Variants in CELSR1 observed in about 807,000 individuals in gnomAD.
CELSR1 encodes the protein cadherin EGF LAG seven-pass G-type receptor 1, also known as adhesion G protein-coupled receptor C1.
A neutral mutation model predicts 249.1 loss-of-function variants in CELSR1; 110 were observed. The ratio of observed to expected loss-of-function variants is 0.44; its 90% CI spans 0.38 to 0.52. CELSR1 has a LOEUF of 0.52. CELSR1 is among the 20% of genes least tolerant of loss of function. CELSR1 has a pLI of 0.00. For synonymous variants in CELSR1, 2,113 were observed against 1,900.0 expected (o/e 1.11, Z -2.92); for missense variants, 4,109 against 4,296.4 (o/e 0.96, Z 1.22).
intron 1 of CELSR1, among the ~76,000 whole-genome samples, chr22:46,525,143 A>G (rs4823842): frequency 0.33 from 50,279 of 152,080 alleles, 9,045 homozygotes; most frequent in African/African-American, 0.46. Context: ...AGGCTGGGTC[A>G]CTGAATTAAA....
At chr22:46,508,238 G>T (rs1210043376) in intron 1 of CELSR1, among the ~76,000 whole-genome samples, 2 of 151,672 alleles carry the variant, frequency 1.3e-5, no homozygotes, top group Non-Finnish European at 2.9e-5. Flanking sequence ...CAGATCCTGG[G>T]CGCCAACTGG....
chr22:46,415,970 C>T lies in CELSR1; in HGVS notation c.4612-4211G>A, dbSNP rs569378858. Among the ~76,000 whole-genome samples, 146 of 152,292 alleles carry T rather than the reference C, an allele frequency of 9.6e-4. 1 individual carries two copies. The highest frequency in any genetic ancestry group is 3.7e-3 in the Admixed American group (57 of 15,300). ...AAGGCCGGCGTGGAGCACGAGGCGG[C>T]GGCAGAGAAAAGACTACGTGGTGGT... On this transcript the variant is annotated intron_variant, in intron 5 of 34. Transcript: ENST00000674500.
intron 1 of CELSR1, among the ~76,000 whole-genome samples, chr22:46,524,528 C>T (rs1305387790): frequency 6.7e-6 from 1 of 150,250 alleles, no homozygotes; most frequent in African/African-American, 2.5e-5. Context: ...ACGGCCCCCA[C>T]CCCCGTTGTG....
At chr22:46,487,999 GTGTCCAGCTAATGGGGGTGTGGGGAGGGA>G (rs1455917456) in intron 1 of CELSR1, among the ~76,000 whole-genome samples, 1 of 136,814 alleles carries the variant, frequency 7.3e-6, no homozygotes, top group Admixed American at 7.2e-5. Context: ...TAGGGGAGGG[GTGTCCAGCTAATGGGGGTGTGGGGAGGGA>G]TGTCCAGGGT....
At position 46,369,709 on chromosome 22, in the gene CELSR1, T is replaced by C. The variant is rs1394229847; in HGVS notation, c.7855A>G (p.Ile2619Val). ...DTLIWSFAGPIGAVIIINTVT... is the reference protein window; with the variant it reads ...DTLIWSFAGPVGAVIIINTVT... Reference sequence around the variant, plus strand: ...ACACTCACGATTATAACAGCTCCGATGGGCCCCGCAAAGCTCCAAATCAGG... The same window carrying C: ...ACACTCACGATTATAACAGCTCCGACGGGCCCCGCAAAGCTCCAAATCAGG... Residue 2619 changes from isoleucine to valine, a missense_variant, in exon 26 of 35, where the codon ATC (isoleucine) becomes GTC (valine). Coordinates refer to ENST00000674500, the MANE Select transcript of CELSR1 (RefSeq NM_001378328.1). 3.1e-6 allele frequency: 5 copies of C among 1,613,358 alleles called. No homozygotes were observed. Among genetic ancestry groups the C allele is most frequent in the Non-Finnish European group, 4.2e-6 (5 of 1,179,964 alleles).
At position 46,454,397 on chromosome 22, in the gene CELSR1, C is replaced by A. The variant is rs978140348; in HGVS notation, c.4183+9310G>T. Among the ~76,000 whole-genome samples the A allele has an allele frequency of 6.6e-6, 1 of 152,220 alleles. No homozygotes were observed. Among genetic ancestry groups the A allele is most frequent in the Non-Finnish European group, 1.5e-5 (1 of 68,038 alleles). ...CAGCCCTGCTGTCACGGAGCCCACA[C>A]TCTCTCTGCAGAAGCAGCATCCCTC... On this transcript the variant is annotated intron_variant, in intron 2 of 34. Transcript: ENST00000674500. The surrounding 1 kb of genome is among the most constrained non-coding windows in gnomAD (Gnocchi z 5.1).
Position 46,381,018 on chromosome 22 carries a change from C to A in CELSR1, c.7089-63G>T. 6.5e-7 allele frequency: 1 copy of A among 1,535,582 alleles called. No homozygotes were observed. On this transcript the variant is annotated intron_variant, in intron 21 of 34. Transcript: ENST00000674500. This position sits in a 1 kb window ranked among gnomAD's most constrained non-coding sequence, Gnocchi z 6.0. ...TGAGGAAACATCTGCTTAAATCCCG[C>A]GCACAAATGCCCTGAGGACACGCCA...
In CELSR1 at chr22:46,441,122, C is replaced by G. The variant is rs534713936; in HGVS notation, c.4184-1711G>C. ...GAGCCGAGGTCACACTACCGCACTC[C>G]AGCCTAGGTGCCAGAGCGAGACTTC... On this transcript the variant is annotated intron_variant, in intron 2 of 34. Coordinates refer to ENST00000674500, the MANE Select transcript of CELSR1 (RefSeq NM_001378328.1). The surrounding 1 kb of genome is among the most constrained non-coding windows in gnomAD (Gnocchi z 6.1). Among the ~76,000 whole-genome samples the G allele has an allele frequency of 6.0e-5, 9 of 149,502 alleles. No homozygotes were observed. In the East Asian group the frequency reaches 1.8e-3, roughly 29 times the overall value.
At chr22:46,520,607 C>T (rs560561303) in intron 1 of CELSR1, among the ~76,000 whole-genome samples, 5 of 152,120 alleles carry the variant, frequency 3.3e-5, no homozygotes, top group Non-Finnish European at 7.4e-5. Context: ...ATTACAGGCA[C>T]CCGTCATCAG....
intron 1 of CELSR1, among the ~76,000 whole-genome samples, chr22:46,487,459 A>G (rs558513531): frequency 7.0e-6 from 1 of 142,970 alleles, no homozygotes; most frequent in Admixed American, 7.2e-5. Flanking sequence ...AGGGAAAACC[A>G]CAGTCCTGCC....
Position 46,369,617 on chromosome 22 carries a change from C to T in CELSR1, c.7872+75G>A, listed in dbSNP as rs1037641627. On this transcript the variant is annotated intron_variant, in intron 26 of 34. Transcript: ENST00000674500. The stretch of plus-strand genomic sequence containing the variant: ...GGCTGCTCAGAGGAGTTGGTGGCCC[C>T]AGCCAACCCAGAACAGCCCTTCCAG... 3.5e-6 allele frequency: 5 copies of T among 1,415,454 alleles called. No homozygotes were observed. In the African/African-American group the frequency reaches 7.1e-5, roughly 20 times the overall value. 87.7% of individuals were successfully genotyped at this position (1,415,454 alleles called of 1,614,324 possible). A position where few individuals can be genotyped will look rare whatever the true frequency, so the allele number is the denominator to read the frequency against.
At position 46,377,084 on chromosome 22, in the gene CELSR1, C is replaced by A; in HGVS notation, c.7561G>T (p.Gly2521Trp). 1 of 1,613,358 alleles carries A rather than the reference C, an allele frequency of 6.2e-7. No individual in the cohort carries two copies. The highest frequency in any genetic ancestry group is 1.1e-5 in the South Asian group (1 of 91,078). ...ACCGGGTTTTCCGTCTGGTTGATCC[C>A]AATCACGAACACCAGCTGAGAGAGG... Reference protein sequence around the residue: ...LFLSQLVFVIGINQTENPFLC... With the variant: ...LFLSQLVFVIWINQTENPFLC... Residue 2521 changes from glycine to tryptophan, a missense_variant, in exon 24 of 35, where the codon GGG becomes TGG. By Grantham distance (184) the Gly-to-Trp change is radical. This residue lies in a region of CELSR1 where 1,805 missense variants were observed against 1,831.6 expected (regional missense o/e 0.99). Coordinates refer to ENST00000674500, the MANE Select transcript of CELSR1 (RefSeq NM_001378328.1).
intron 24 of CELSR1, among the ~76,000 whole-genome samples, chr22:46,373,703 TGG>T (rs2078885588): frequency 1.8e-4 from 4 of 22,148 alleles, no homozygotes; most frequent in African/African-American, 5.8e-4. Flanking sequence ...AAGGGGGAGA[TGG>T]GGGAGATGGG....
chr22:46,537,056 T>A lies in CELSR1; in HGVS notation c.115A>T (p.Thr39Ser). ...AAWEPRVPGGTRAFALRPGCT... is the reference protein window; with the variant it reads ...AAWEPRVPGGSRAFALRPGCT... ...CCGGGCCGGAGGGCGAAGGCGCGGG[T>A]CCCGCCGGGTACGCGCGGCTCCCAG... Residue 39 changes from threonine to serine, a missense_variant, in exon 1 of 35, where the codon ACC becomes TCC. This residue lies in a region of CELSR1 where 673 missense variants were observed against 636.8 expected (regional missense o/e 1.06). Transcript: ENST00000674500. This position sits in a 1 kb window ranked among gnomAD's most constrained non-coding sequence, Gnocchi z 5.8. 1 of 1,077,908 alleles carries A rather than the reference T, an allele frequency of 9.3e-7. No homozygotes were observed. Among genetic ancestry groups the A allele is most frequent in the Non-Finnish European group, 1.1e-6 (1 of 891,588 alleles). The allele number at this position is 1,077,908 out of a possible 1,614,324, so 66.8% of individuals were successfully genotyped here.
At chr22:46,432,812 T>C (rs972345826) in intron 5 of CELSR1, among the ~76,000 whole-genome samples, 5 of 152,118 alleles carry the variant, frequency 3.3e-5, no homozygotes, top group Admixed American at 1.3e-4. Flanking sequence ...AAGCCCTTTC[T>C]GTGTCCCTCC....
rs2078730400 is a variant in CELSR1 at position 46,363,613 on chromosome 22, C to T, written c.9036-366G>A. ...AGGTCTGGGGCCAGGACCCCAGCTC[C>T]ACCCCGCCCCCTTCACCCCTGGCAT... On this transcript the variant is annotated intron_variant, in intron 34 of 34. Coordinates refer to ENST00000674500, the MANE Select transcript of CELSR1 (RefSeq NM_001378328.1). This position sits in a 1 kb window ranked among gnomAD's most constrained non-coding sequence, Gnocchi z 4.3. 8.4e-6 allele frequency: 3 copies of T among 357,254 alleles called. No homozygotes were observed. The highest frequency in any genetic ancestry group is 1.5e-5 in the Non-Finnish European group (3 of 194,784). 22.1% of individuals were successfully genotyped at this position (357,254 alleles called of 1,614,324 possible).
chr22:46,397,720 G>A lies in CELSR1; in HGVS notation c.5655C>T (p.Ser1885=). 6.3e-7 allele frequency: 1 copy of A among 1,584,058 alleles called. No homozygotes were observed. The highest frequency in any genetic ancestry group is 1.7e-4 in the Middle Eastern group (1 of 5,986). ...AGTCCTCCCAGGCGTCGTGGCAGCG[G>A]CTATTGGGGGGACAGGGGCTCGAGG... is the stretch of plus-strand genomic sequence containing the variant. ...PCTSSPCPPN[S]RCHDAWEDYS... is the part of the protein sequence containing the mutation. The change falls in exon 12 of 35, where the codon AGC becomes AGT. Residue 1885 remains serine, a synonymous_variant. Transcript: ENST00000674500.
intron 5 of CELSR1, among the ~76,000 whole-genome samples, chr22:46,422,592 A>T (rs564078601): frequency 8.5e-4 from 126 of 149,056 alleles, no homozygotes; most frequent in African/African-American, 1.6e-3. Context: ...ATAATAATAA[A>T]AAATAAATAA....
At chr22:46,425,139 G>A (rs1199815225) in intron 5 of CELSR1, among the ~76,000 whole-genome samples, 3 of 152,334 alleles carry the variant, frequency 2.0e-5, no homozygotes, top group South Asian at 2.1e-4. Context: ...TTCACCCAGT[G>A]ACGGCCATCT....
Sources: allele counts gnomAD v4.1 joint callset (sites outside exome capture counted in the v4.1 genomes callset), GRCh38; gene constraint gnomAD v4.1.1; regional missense constraint gnomAD v4.1.1; non-coding constraint Gnocchi (gnomAD v3.1); transcripts MANE v1.5; gene names NCBI Gene and HGNC (gene_info 2026-07-23, HGNC 2026-07-21).